Variants in LNPK observed in about 807,000 individuals in gnomAD.
The protein encoded by LNPK is endoplasmic reticulum junction formation protein lunapark.
LNPK carries 29 observed loss-of-function variants against 55.2 expected under a neutral mutation model. That is an observed-to-expected ratio of 0.53 (90% CI 0.39 to 0.72). The LOEUF is 0.72. Among genes scored for constraint, LNPK ranks in the 30% least tolerant of loss-of-function variants. The pLI is 0.00. For missense variants in LNPK, 467 were observed against 494.8 expected, an observed-to-expected ratio of 0.94 and a Z score of 0.53; for synonymous variants, 162 against 168.2, an observed-to-expected ratio of 0.96 and a Z score of 0.29.
rs1310560663 is a variant in LNPK, at chr2:175,927,850, C to G, written c.*2117G>C. On this transcript the variant is annotated 3_prime_UTR_variant, in exon 13 of 13. Transcript: ENST00000272748. ...ATATGGTTACAAACATGTTACCTATCGCATTAATTTTACTAATCCCCTTTT... is the reference window on the plus strand; with the variant it reads ...ATATGGTTACAAACATGTTACCTATGGCATTAATTTTACTAATCCCCTTTT... The G allele has an allele frequency of 1.3e-5, 2 of 152,062 alleles. No homozygotes were observed. Among genetic ancestry groups the G allele is most frequent in the Non-Finnish European group, 2.9e-5 (2 of 67,994 alleles). The allele number at this position is 152,062 out of a possible 1,614,324, so 9.4% of individuals were successfully genotyped here. A position where few individuals can be genotyped will look rare whatever the true frequency, so the allele number is the denominator to read the frequency against.
At chr2:175,957,708 G>A (rs181562087) in intron 8 of LNPK, among the ~76,000 whole-genome samples, 97 of 152,304 alleles carry the variant, frequency 6.4e-4, no homozygotes, top group African/African-American at 2.3e-3. Flanking sequence ...GGGACTGGTT[G>A]GCCAGTGGGT....
chr2:175,961,292 G>A (rs564325737), intron 8 of LNPK, among the ~76,000 whole-genome samples: 237 of 152,242 alleles, frequency 1.6e-3, no homozygotes, highest in African/African-American at 5.4e-3. Context: ...ACATCGATGC[G>A]AAAATCCTGA....
chr2:175,992,030 T>G (rs1022681870), intron 4 of LNPK, among the ~76,000 whole-genome samples: 2 of 152,158 alleles, frequency 1.3e-5, no homozygotes, highest in African/African-American at 4.8e-5. Context: ...TACTAGGTAA[T>G]ATTCCTCAGG....
chr2:175,942,733 C>T lies in LNPK; in HGVS notation c.707-3076G>A, dbSNP rs1402113851. 2.0e-5 allele frequency among the ~76,000 whole-genome samples: 3 copies of T among 150,874 alleles called. No homozygotes were observed. The East Asian group carries it at 5.8e-4, about 29-fold the overall frequency. ...ACCTATATTACAAAAGAAGATAGGA[C>T]TAAAATCCATAATTTCAGCTTCCAC... is the stretch of plus-strand genomic sequence containing the variant. On this transcript the variant is annotated intron_variant, in intron 9 of 12. Coordinates refer to ENST00000272748, the MANE Select transcript of LNPK (RefSeq NM_030650.3).
rs543597469 is a variant in LNPK at position 175,987,593 on chromosome 2, C to T, written c.257+4638G>A. 1.1e-4 allele frequency among the ~76,000 whole-genome samples: 16 copies of T among 151,968 alleles called. No homozygotes were observed. The East Asian group carries it at 2.1e-3, about 20-fold the overall frequency. The stretch of plus-strand genomic sequence containing the variant: ...ATGTTAAATGACGAGTTAATGGGTG[C>T]AGCACACCAACATGGCACGTGTAAA... On this transcript the variant is annotated intron_variant, in intron 4 of 12. Transcript: ENST00000272748.
chr2:175,981,706 G>A (rs1294874349), intron 4 of LNPK, among the ~76,000 whole-genome samples: 1 of 152,162 alleles, frequency 6.6e-6, no homozygotes. Context: ...ACAGCAGAGG[G>A]AGTAAAGATC....
chr2:175,973,417 A>C (rs9646792), intron 5 of LNPK, among the ~76,000 whole-genome samples: 90,400 of 152,042 alleles, frequency 0.59, 27,637 homozygotes, highest in African/African-American at 0.72. Flanking sequence ...TGGCCCTACA[A>C]AATGACAAAT....
chr2:175,936,278 A>G (rs1684542322), intron 12 of LNPK, among the ~76,000 whole-genome samples: 1 of 152,110 alleles, frequency 6.6e-6, no homozygotes, highest in African/African-American at 2.4e-5. Flanking sequence ...CCAATTCAAC[A>G]CACACATTTT....
intron 8 of LNPK, among the ~76,000 whole-genome samples, chr2:175,956,967 G>C (rs891058517): frequency 1.3e-5 from 2 of 152,148 alleles, no homozygotes; most frequent in Non-Finnish European, 2.9e-5. Context: ...TTCATTTTAA[G>C]TAGCCTTTAG....
chr2:175,959,325 GA>G (rs1685882870), intron 8 of LNPK, among the ~76,000 whole-genome samples: 1 of 152,108 alleles, frequency 6.6e-6, no homozygotes, highest in Non-Finnish European at 1.5e-5. Flanking sequence ...GAGAAAAGTC[GA>G]GTTACCCACA....
rs1459693627 is a variant in LNPK, at chr2:175,992,329, G to C, written c.159C>G (p.Leu53=). The change falls in exon 4 of 13, where the codon CTC becomes CTG. Residue 53 remains leucine, a synonymous_variant. Coordinates refer to ENST00000272748, the MANE Select transcript of LNPK (RefSeq NM_030650.3). ...VGRLILYSSV[L]YLFTCLIVYL... ...ATACAATTAAGCATGTAAACAGATA[G>C]AGAACTGAGGAATACAGAATTAATC... The C allele has an allele frequency of 9.0e-6, 14 of 1,559,246 alleles. No homozygotes were observed. The East Asian group carries it at 3.2e-4, about 36-fold the overall frequency.
chr2:175,979,857 A>G lies in LNPK; in HGVS notation c.269T>C (p.Ile90Thr), dbSNP rs1333707132. The G allele has an allele frequency of 1.3e-6, 2 of 1,579,744 alleles. No individual in the cohort carries two copies. Reference protein sequence around the residue: ...FFAFPLIIWSIRTVIIFFFSK... With the variant: ...FFAFPLIIWSTRTVIIFFFSK... The stretch of plus-strand genomic sequence containing the variant: ...AAAGAAGAAAATAATTACTGTTCTT[A>G]TGCTCCAGATGCTAAAAGGGAAGCA... Residue 90 changes from isoleucine to threonine, a missense_variant, in exon 5 of 13, where the codon ATA becomes ACA. Physicochemically the swap from Ile to Thr is moderately conservative, Grantham distance 89. Transcript: ENST00000272748.
intron 9 of LNPK, chr2:175,941,025 A>G (rs761146681): frequency 1.5e-5 from 7 of 452,664 alleles, no homozygotes; most frequent in South Asian, 1.1e-4. Flanking sequence ...AGGTAGACAG[A>G]TCACTTGAGC....
chr2:175,992,269 T>C lies in LNPK; in HGVS notation c.219A>G (p.Arg73=). 1.9e-6 allele frequency: 3 copies of C among 1,564,928 alleles called. No individual in the cohort carries two copies. The highest frequency in any genetic ancestry group is 2.6e-6 in the Non-Finnish European group (3 of 1,164,374). Reference sequence around the variant, plus strand: ...CAAAAAATGGGAGTGTCATGGCAAGTCTTGCTGTAAATTCATCAGGAAGAT... The same window carrying C: ...CAAAAAATGGGAGTGTCATGGCAAGCCTTGCTGTAAATTCATCAGGAAGAT... The part of the protein sequence containing the change: ...LWYLPDEFTA[R]LAMTLPFFAF... Residue 73 remains arginine (R), a synonymous_variant, in exon 4 of 13, where the codon AGA becomes AGG. Transcript: ENST00000272748.
chr2:175,934,474 A>G (rs1684440571), intron 12 of LNPK, among the ~76,000 whole-genome samples: 1 of 152,180 alleles, frequency 6.6e-6, no homozygotes, highest in African/African-American at 2.4e-5. Context: ...CAAAAACTAT[A>G]TTCTACTAAA....
intron 4 of LNPK, among the ~76,000 whole-genome samples, chr2:175,983,174 C>G (rs1311410217): frequency 1.3e-5 from 2 of 152,092 alleles, no homozygotes; most frequent in African/African-American, 4.8e-5. Context: ...CAGCTACAGG[C>G]AGACACTCCT....
Position 175,930,052 on chromosome 2 carries a change from G to A in LNPK, c.1202C>T (p.Ser401Leu). 1 of 1,614,086 alleles carries A rather than the reference G, an allele frequency of 6.2e-7. No individual in the cohort carries two copies. The highest frequency in any genetic ancestry group is 8.5e-7 in the Non-Finnish European group (1 of 1,179,962). ...EKQETENEEA[S>L]VIETNSTVPG... is the part of the protein sequence containing the mutation. The stretch of plus-strand genomic sequence containing the variant: ...AACTGTGGAGTTGGTTTCAATCACT[G>A]AGGCTTCCTCATTCTCAGTCTCTTG... Residue 401 changes from serine to leucine, a missense_variant, in exon 13 of 13, where the codon TCA (serine) becomes TTA (leucine). By Grantham distance (145) the Ser-to-Leu change is moderately radical. Transcript: ENST00000272748.
At chr2:175,990,427 G>T (rs1278598710) in intron 4 of LNPK, among the ~76,000 whole-genome samples, 1 of 152,134 alleles carries the variant, frequency 6.6e-6, no homozygotes, top group African/African-American at 2.4e-5. Flanking sequence ...TGCAGATGCT[G>T]GTGCCATACT....
chr2:175,964,491 A>G lies in LNPK; in HGVS notation c.441+15T>C. 1 of 1,586,334 alleles carries G rather than the reference A, an allele frequency of 6.3e-7. No homozygotes were observed. Among genetic ancestry groups the G allele is most frequent in the African/African-American group, 1.3e-5 (1 of 74,452 alleles). ...TGTAATTTATAATAAAATAGTAGTG[A>G]TATCACAGTCTTACCTTTGCTTTCT... On this transcript the variant is annotated intron_variant, in intron 7 of 12. Coordinates refer to ENST00000272748, the MANE Select transcript of LNPK (RefSeq NM_030650.3).
Sources: allele counts gnomAD v4.1 joint callset (sites outside exome capture counted in the v4.1 genomes callset), GRCh38; gene constraint gnomAD v4.1.1; transcripts MANE v1.5; gene names NCBI Gene and HGNC (gene_info 2026-07-23, HGNC 2026-07-21).